MAPRE1: variants seen among roughly 807,000 people sequenced by gnomAD.
MAPRE1 encodes the protein microtubule associated protein RP/EB family member 1, also known as microtubule-associated protein RP/EB family member 1.
Under a neutral mutation model 32.1 loss-of-function variants are expected in MAPRE1, and 5 were observed. That is an observed-to-expected ratio of 0.16 (90% CI 0.08 to 0.33). The LOEUF is 0.33. Ranked by LOEUF, MAPRE1 falls within the 10% of genes least tolerant of loss-of-function variation. MAPRE1 has a pLI of 1.00. For synonymous variants in MAPRE1, 122 were observed against 118.9 expected, an observed-to-expected ratio of 1.03 and a Z score of -0.17; for missense variants, 209 against 327.2, an observed-to-expected ratio of 0.64 and a Z score of 2.79.
At chr20:32,819,911 C>T (rs1419281085), upstream of MAPRE1, 1 of 136,846 alleles carries the variant, frequency 7.3e-6, no homozygotes, top group African/African-American at 2.7e-5. Flanking sequence ...CGGCGCGTAA[C>T]GAGGGGGTGC....
Position 32,839,839 on chromosome 20 carries a change from G to C in MAPRE1, c.580G>C (p.Ala194Pro), listed in dbSNP as rs756974223. 1 of 1,614,060 alleles carries C rather than the reference G, an allele frequency of 6.2e-7. No individual in the cohort carries two copies. The highest frequency in any genetic ancestry group is 1.3e-5 in the African/African-American group (1 of 74,930). ...PGVGNGDDEA[A>P]ELMQQVNVLK... ...TGTGGGCAACGGAGACGACGAGGCAGCTGAGTTGATGCAGCAGGTGGGCAC... is the reference window on the plus strand; with the variant it reads ...TGTGGGCAACGGAGACGACGAGGCACCTGAGTTGATGCAGCAGGTGGGCAC... The change falls in exon 5 of 7, where the codon GCT (alanine) becomes CCT (proline). Residue 194 changes from alanine to proline, a missense_variant. This residue lies in a region of MAPRE1 where 106 missense variants were observed against 115.3 expected (regional missense o/e 0.92). Coordinates refer to ENST00000375571, the MANE Select transcript of MAPRE1 (RefSeq NM_012325.3).
intron 5 of MAPRE1, among the ~76,000 whole-genome samples, chr20:32,845,194 C>T (rs1458510146): frequency 6.6e-6 from 1 of 152,018 alleles, no homozygotes; most frequent in Non-Finnish European, 1.5e-5. Context: ...GCATACACCA[C>T]CCTACCTGGC....
chr20:32,834,803 A>G (rs550406646), intron 3 of MAPRE1, among the ~76,000 whole-genome samples: 6 of 152,306 alleles, frequency 3.9e-5, no homozygotes, highest in Admixed American at 3.3e-4. Context: ...TATAAAAGTA[A>G]TAATAGTGTA....
chr20:32,836,004 C>T (rs1415882461), intron 3 of MAPRE1, among the ~76,000 whole-genome samples: 1 of 152,152 alleles, frequency 6.6e-6, no homozygotes, highest in Non-Finnish European at 1.5e-5. Context: ...CTCTGTCACC[C>T]AGGCTGGAGT....
rs755792170 is a variant in MAPRE1, at chr20:32,846,716, G to T, written c.696G>T (p.Glu232Asp). Reference protein sequence around the residue: ...RNIELICQENEGENDPVLQRI... With the variant: ...RNIELICQENDGENDPVLQRI... The stretch of plus-strand genomic sequence containing the variant: ...TTGAATTGATTTGCCAGGAGAACGA[G>T]GGGGAAAACGACCCTGTATTGCAGA... The change falls in exon 6 of 7, where the codon GAG becomes GAT. Residue 232 changes from glutamate (E) to aspartate (D), a missense_variant. This residue lies in a region of MAPRE1 where 36 missense variants were observed against 71.9 expected (regional missense o/e 0.50). Transcript: ENST00000375571. The T allele has an allele frequency of 6.2e-7, 1 of 1,614,194 alleles. No homozygotes were observed. Among genetic ancestry groups the T allele is most frequent in the Admixed American group, 1.7e-5 (1 of 60,018 alleles).
intron 4 of MAPRE1, among the ~76,000 whole-genome samples, chr20:32,839,151 G>T (rs1983282763): frequency 2.0e-5 from 3 of 152,164 alleles, no homozygotes; most frequent in African/African-American, 7.2e-5. Flanking sequence ...GGAAGAGCAG[G>T]CTCTCCTGCT....
chr20:32,828,564 A>G (rs905440524), intron 2 of MAPRE1, among the ~76,000 whole-genome samples: 1 of 152,232 alleles, frequency 6.6e-6, no homozygotes, highest in Non-Finnish European at 1.5e-5. Context: ...TTAATGTCTT[A>G]GTTCTTCATC....
At chr20:32,821,756 A>G (rs1214042377) in intron 1 of MAPRE1, among the ~76,000 whole-genome samples, 1 of 152,178 alleles carries the variant, frequency 6.6e-6, no homozygotes, top group Admixed American at 6.5e-5. Flanking sequence ...CTTGAAAGTA[A>G]TAGAGTGCTT....
chr20:32,843,199 C>T (rs1000962603), intron 5 of MAPRE1: 3 of 151,980 alleles, frequency 2.0e-5, no homozygotes, highest in African/African-American at 7.3e-5. Flanking sequence ...AAAGTCCTTC[C>T]CTTACCTGTT....
At chr20:32,848,624 T>C (rs1370371191) in intron 6 of MAPRE1, 48 bp from the exon 7 acceptor site, 2 of 1,469,944 alleles carry the variant, frequency 1.4e-6, no homozygotes, top group Non-Finnish European at 9.5e-7. Context: ...GAACTCACAG[T>C]AGAAATGGAT....
rs1372310592 is a variant in MAPRE1 at position 32,836,802 on chromosome 20, C to T, written c.436C>T (p.Leu146=). ...AVAPSLVAPA[L]NKPKKPLTSS... ...GGCTCCTTCCCTTGTTGCTCCAGCT[C>T]TGAATAAACCGAAGAAACCTCTCAC... is the stretch of plus-strand genomic sequence containing the variant. The change falls in exon 4 of 7, where the codon CTG becomes TTG. Residue 146 remains leucine (L), a synonymous_variant. Transcript: ENST00000375571. 3.1e-6 allele frequency: 5 copies of T among 1,613,004 alleles called. No homozygotes were observed. Among genetic ancestry groups the T allele is most frequent in the Non-Finnish European group, 4.2e-6 (5 of 1,179,780 alleles).
chr20:32,839,898 T>C, intron 5 of MAPRE1, 42 bp downstream of exon 5: 3 of 1,611,034 alleles, frequency 1.9e-6, no homozygotes, highest in Non-Finnish European at 2.5e-6. Flanking sequence ...CCTCGGGGGA[T>C]AGGATCCTTG....
chr20:32,826,236 T>TTTTTTTTTTTTTTTTGA (rs1491215602), intron 2 of MAPRE1, among the ~76,000 whole-genome samples, 188 bp downstream of exon 2: 2 of 104,934 alleles, frequency 1.9e-5, no homozygotes, highest in African/African-American at 8.0e-5. Flanking sequence ...TTTTTTTTTT[T>TTTTTTTTTTTTTTTTGA]GACAGAGTCT....
chr20:32,831,464 C>CT lies in MAPRE1; in HGVS notation c.122-2240dup, dbSNP rs76802491. On this transcript the variant is annotated intron_variant, in intron 2 of 6. Coordinates refer to ENST00000375571, the MANE Select transcript of MAPRE1 (RefSeq NM_012325.3). ...ACCAGTTTCATGCATAAGTTGTTGACTTTTTTTTTTTTTAACTCCTGTGCA... is the reference window on the plus strand; with the variant it reads ...ACCAGTTTCATGCATAAGTTGTTGACTTTTTTTTTTTTTTAACTCCTGTGCA... 6.4e-3 allele frequency among the ~76,000 whole-genome samples: 871 copies of CT among 135,962 alleles called. 5 individuals carry two copies. The highest frequency in any genetic ancestry group is 7.9e-3 in the Non-Finnish European group (492 of 62,652). 89.2% of individuals were successfully genotyped at this position (135,962 alleles called of 152,430 possible).
At chr20:32,829,293 CTT>C (rs1033775417) in intron 2 of MAPRE1, among the ~76,000 whole-genome samples, 3 of 152,190 alleles carry the variant, frequency 2.0e-5, no homozygotes, top group African/African-American at 7.2e-5. Flanking sequence ...GTGCAGGACA[CTT>C]AACTGTGATT....
intron 1 of MAPRE1, among the ~76,000 whole-genome samples, chr20:32,821,304 C>G (rs1982695151): frequency 6.6e-6 from 1 of 152,200 alleles, no homozygotes; most frequent in Non-Finnish European, 1.5e-5. Flanking sequence ...GTGTGAGCCA[C>G]CGCGCCTGGC....
rs918567660 is a variant in MAPRE1, at chr20:32,849,315, A to G, written c.*587A>G. ...AGGCTTTGGTCTAAAAGGAACATTT[A>G]AAAAGTTGCCCTGTAAAGTTATTTG... On this transcript the variant is annotated 3_prime_UTR_variant, in exon 7 of 7. Transcript: ENST00000375571. 6.6e-6 allele frequency: 1 copy of G among 152,200 alleles called. No homozygotes were observed. The highest frequency in any genetic ancestry group is 2.4e-5 in the African/African-American group (1 of 41,436). The allele number at this position is 152,200 out of a possible 1,614,324, so 9.4% of individuals were successfully genotyped here.
chr20:32,831,788 G>A (rs967311997), intron 2 of MAPRE1, among the ~76,000 whole-genome samples: 1 of 151,824 alleles, frequency 6.6e-6, no homozygotes, highest in African/African-American at 2.4e-5. Flanking sequence ...GCCCGCCTTG[G>A]CCTTCCAAAG....
chr20:32,845,986 C>T (rs916748298), intron 5 of MAPRE1, among the ~76,000 whole-genome samples: 1 of 152,184 alleles, frequency 6.6e-6, no homozygotes, highest in East Asian at 1.9e-4. Context: ...ATGGAATTCA[C>T]TTGTCATAGA....
Sources: allele counts gnomAD v4.1 joint callset (sites outside exome capture counted in the v4.1 genomes callset), GRCh38; gene constraint gnomAD v4.1.1; regional missense constraint gnomAD v4.1.1; transcripts MANE v1.5; gene names NCBI Gene and HGNC (gene_info 2026-07-23, HGNC 2026-07-21).